Variants in ZNF512 observed in about 807,000 individuals in gnomAD.
ZNF512 encodes zinc finger protein 512.
In ZNF512, 25 loss-of-function variants were observed where a neutral mutation model predicts 77.5. The ratio of observed to expected loss-of-function variants is 0.32; its 90% CI spans 0.23 to 0.45. The LOEUF (loss-of-function observed/expected upper bound fraction) is 0.45, where lower values mean the gene tolerates loss of function less well. Ranked by LOEUF, ZNF512 falls within the 20% of genes least tolerant of loss-of-function variation. ZNF512 has a pLI of 1.00. For synonymous variants in ZNF512, 246 were observed against 239.9 expected, an observed-to-expected ratio of 1.03 and a Z score of -0.24; for missense variants, 483 against 692.6, an observed-to-expected ratio of 0.70 and a Z score of 3.40.
intron 9 of ZNF512, among the ~76,000 whole-genome samples, chr2:27,606,236 C>CT (rs201180215): frequency 0.024 from 3,687 of 150,558 alleles, 155 homozygotes; most frequent in African/African-American, 0.086. Context: ...AGTTCTTTAT[C>CT]TTTTTTTTAA....
intron 9 of ZNF512, among the ~76,000 whole-genome samples, chr2:27,603,816 G>A (rs999009522): frequency 4.0e-5 from 6 of 151,532 alleles, no homozygotes; most frequent in African/African-American, 7.3e-5. Flanking sequence ...CAGGCCAGTC[G>A]CAAACTCCTG....
At chr2:27,621,124 T>C in intron 13 of ZNF512, 29 bp from the exon 14 acceptor site, 1 of 1,595,456 alleles carries the variant, frequency 6.3e-7, no homozygotes, top group Non-Finnish European at 8.5e-7. Context: ...TATTTTCGAC[T>C]GGATGACATT....
At chr2:27,599,916 T>C in intron 4 of ZNF512, 54 bp from the exon 5 acceptor site, 2 of 1,590,726 alleles carry the variant, frequency 1.3e-6, no homozygotes, top group East Asian at 2.2e-5. Context: ...AGGGAAGAGA[T>C]TTTGGTATTA....
At position 27,585,302 on chromosome 2, in the gene ZNF512, A is replaced by G. The variant is rs6731203; in HGVS notation, c.89+1586A>G. On this transcript the variant is annotated intron_variant, in intron 2 of 13. Transcript: ENST00000355467. ...AATTGGGAATTATCAGCTATAAAAAATAATTGGAAACATGATGTTTTCTTC... is the reference window on the plus strand; with the variant it reads ...AATTGGGAATTATCAGCTATAAAAAGTAATTGGAAACATGATGTTTTCTTC... Among the ~76,000 whole-genome samples the G allele has an allele frequency of 1.0e-3, 154 of 152,376 alleles. 1 individual carries two copies. Among genetic ancestry groups the G allele is most frequent in the African/African-American group, 3.6e-3 (148 of 41,588 alleles).
chr2:27,591,451 C>G (rs1329837368), intron 2 of ZNF512, among the ~76,000 whole-genome samples: 1 of 152,166 alleles, frequency 6.6e-6, no homozygotes, highest in African/African-American at 2.4e-5. Context: ...GAGTCTCGCT[C>G]TGTCACCAGG....
intron 10 of ZNF512, among the ~76,000 whole-genome samples, chr2:27,611,722 G>T (rs1177570716): frequency 6.7e-6 from 1 of 149,496 alleles, no homozygotes; most frequent in Non-Finnish European, 1.5e-5. Flanking sequence ...TTTGGAGACG[G>T]AGTCTCACTC....
chr2:27,583,278 A>G, intron 1 of ZNF512, 136 bp downstream of exon 1: 5 of 1,385,072 alleles, frequency 3.6e-6, no homozygotes, highest in Non-Finnish European at 3.1e-6. Flanking sequence ...AGATCAGATC[A>G]CCTGTCCCTT....
intron 10 of ZNF512, among the ~76,000 whole-genome samples, chr2:27,610,891 C>T (rs1331562243): frequency 3.3e-5 from 5 of 151,554 alleles, no homozygotes; most frequent in East Asian, 1.9e-4. Flanking sequence ...TTTTCGACAG[C>T]GTATAGATAA....
At position 27,612,923 on chromosome 2, in the gene ZNF512, A is replaced by C. The variant is rs1205285766; in HGVS notation, c.1132-2245A>C. Among the ~76,000 whole-genome samples the C allele has an allele frequency of 2.0e-5, 3 of 152,054 alleles. No homozygotes were observed. In the East Asian group the frequency reaches 5.8e-4, roughly 29 times the overall value. On this transcript the variant is annotated intron_variant, in intron 10 of 13. Coordinates refer to ENST00000355467, the MANE Select transcript of ZNF512 (RefSeq NM_032434.4). The stretch of plus-strand genomic sequence containing the variant: ...TACATCCTATTTAATGTAACTATTC[A>C]TTTATTTTGGGAGTATATGAAACTA...
chr2:27,600,963 G>T (rs1672091329), intron 6 of ZNF512, 148 bp downstream of exon 6: 2 of 1,115,144 alleles, frequency 1.8e-6, no homozygotes, highest in Non-Finnish European at 2.4e-6. Flanking sequence ...ACAGAGTTAG[G>T]TTTGAATCTT....
chr2:27,595,577 G>A (rs911619522), intron 2 of ZNF512, among the ~76,000 whole-genome samples: 3 of 152,012 alleles, frequency 2.0e-5, no homozygotes, highest in Admixed American at 6.6e-5. Flanking sequence ...CGCCTGCCTC[G>A]GCCTCCCAAA....
chr2:27,616,185 G>A, intron 11 of ZNF512, 77 bp from the exon 12 acceptor site: 1 of 1,024,568 alleles, frequency 9.8e-7, no homozygotes, highest in Non-Finnish European at 1.5e-6. Context: ...TGTGGAGTTG[G>A]TCAGTGTAAA....
At chr2:27,610,544 G>GTATATATATATATATATATATA (rs1247718248) in intron 10 of ZNF512, among the ~76,000 whole-genome samples, 2 of 32,654 alleles carry the variant, frequency 6.1e-5, no homozygotes, top group African/African-American at 2.9e-4. Context: ...ATATGTGTGT[G>GTATATATATATATATATATATA]TATATATATA....
At chr2:27,618,254 C>A (rs1672978923) in intron 13 of ZNF512, among the ~76,000 whole-genome samples, 1 of 152,116 alleles carries the variant, frequency 6.6e-6, no homozygotes, top group Non-Finnish European at 1.5e-5. Flanking sequence ...CCAATTAAGT[C>A]AAATGTTTGG....
intron 5 of ZNF512, 64 bp from the exon 6 acceptor site, chr2:27,600,627 G>C: frequency 6.4e-7 from 1 of 1,566,724 alleles, no homozygotes; most frequent in Non-Finnish European, 8.6e-7. Flanking sequence ...TAAATCGTGG[G>C]ATTATGCTTT....
chr2:27,613,849 A>G (rs1181579336), intron 10 of ZNF512, among the ~76,000 whole-genome samples: 1 of 152,064 alleles, frequency 6.6e-6, no homozygotes, highest in Non-Finnish European at 1.5e-5. Flanking sequence ...CATAAATGTG[A>G]TAGTTTATTA....
In ZNF512 at chr2:27,599,509, G is replaced by A. The variant is rs1672023984; in HGVS notation, c.278-74G>A. Reference sequence around the variant, plus strand: ...TCCTTTTGATGGTCTTGTGAATGATGTTTTGAAGACAGGCCTAGATGTTCA... The same window carrying A: ...TCCTTTTGATGGTCTTGTGAATGATATTTTGAAGACAGGCCTAGATGTTCA... On this transcript the variant is annotated intron_variant, in intron 3 of 13. Transcript: ENST00000355467. 6.4e-6 allele frequency: 7 copies of A among 1,091,012 alleles called. No homozygotes were observed. In the Admixed American group the frequency reaches 1.3e-4, roughly 20 times the overall value. 67.6% of individuals were successfully genotyped at this position (1,091,012 alleles called of 1,614,324 possible). A position where few individuals can be genotyped will look rare whatever the true frequency, so the allele number is the denominator to read the frequency against.
chr2:27,593,018 C>T (rs1671663970), intron 2 of ZNF512, among the ~76,000 whole-genome samples: 2 of 151,486 alleles, frequency 1.3e-5, no homozygotes. Flanking sequence ...TTTTTCCTCT[C>T]TTCACTCCCT....
At chr2:27,616,184 G>T in intron 11 of ZNF512, 78 bp from the exon 12 acceptor site, 1 of 996,358 alleles carries the variant, frequency 1.0e-6, no homozygotes, top group Non-Finnish European at 1.5e-6. Context: ...ATGTGGAGTT[G>T]GTCAGTGTAA....
Sources: gnomAD v4.1 joint callset for allele counts (sites outside exome capture counted in the v4.1 genomes callset) on GRCh38, gnomAD v4.1.1 for gene constraint, MANE v1.5 for transcripts, NCBI Gene and HGNC (gene_info 2026-07-23, HGNC 2026-07-21) for gene names.